The following MAGI2 variants were observed in gnomAD, a reference collection of about 807,000 sequenced individuals.
MAGI2 encodes membrane-associated guanylate kinase, WW and PDZ domain-containing protein 2.
Under a neutral mutation model 133.3 loss-of-function variants are expected in MAGI2, and 35 were observed. The ratio of observed to expected loss-of-function variants is 0.26; its 90% CI spans 0.20 to 0.35. The LOEUF (loss-of-function observed/expected upper bound fraction) is 0.35. Among genes scored for constraint, MAGI2 ranks in the 10% least tolerant of loss-of-function variants. The pLI, the probability that MAGI2 is intolerant of heterozygous loss-of-function variation, is 1.00. For synonymous variants in MAGI2, 729 were observed against 710.6 expected (o/e 1.03, Z -0.41); for missense variants, 1,636 against 1,863.4 (o/e 0.88, Z 2.25).
At chr7:79,161,354 C>T (rs1241589445) in intron 1 of MAGI2, among the ~76,000 whole-genome samples, 2 of 151,976 alleles carry the variant, frequency 1.3e-5, no homozygotes, top group Non-Finnish European at 2.9e-5. Context: ...GTGCATGGCC[C>T]TTTGTGCTGA....
intron 12 of MAGI2, among the ~76,000 whole-genome samples, chr7:78,186,527 G>A (rs1197515168): frequency 1.3e-5 from 2 of 152,150 alleles, no homozygotes; most frequent in African/African-American, 4.8e-5. Flanking sequence ...ACTGCTAAAT[G>A]TGAAGAAGAA....
chr7:78,086,602 T>C (rs1431470442), intron 20 of MAGI2, among the ~76,000 whole-genome samples: 1 of 151,386 alleles, frequency 6.6e-6, no homozygotes, highest in African/African-American at 2.4e-5. Context: ...CCTAGCTCTA[T>C]GCATGCTCTC....
intron 1 of MAGI2, among the ~76,000 whole-genome samples, chr7:79,061,642 T>A (rs1813750562): frequency 6.6e-6 from 1 of 152,008 alleles, no homozygotes; most frequent in Non-Finnish European, 1.5e-5. Context: ...GGACCAAGAT[T>A]AGGGGTGGCA....
intron 10 of MAGI2, among the ~76,000 whole-genome samples, chr7:78,223,877 A>G (rs1387979169): frequency 2.0e-5 from 3 of 152,160 alleles, no homozygotes. Flanking sequence ...ATTATTGTCT[A>G]TTTTTATTAA....
At chr7:79,099,163 C>A (rs994187333) in intron 1 of MAGI2, among the ~76,000 whole-genome samples, 1 of 151,848 alleles carries the variant, frequency 6.6e-6, no homozygotes, top group African/African-American at 2.4e-5. Flanking sequence ...AAAATTAGTG[C>A]TATTTTATGG....
intron 1 of MAGI2, among the ~76,000 whole-genome samples, chr7:79,018,861 C>G (rs1260059160): frequency 6.6e-6 from 1 of 152,130 alleles, no homozygotes; most frequent in East Asian, 1.9e-4. Context: ...TATATACACA[C>G]AGAGCACAGA....
At chr7:78,920,100 C>T (rs1456644726) in intron 2 of MAGI2, among the ~76,000 whole-genome samples, 3 of 152,034 alleles carry the variant, frequency 2.0e-5, no homozygotes, top group Admixed American at 6.6e-5. Flanking sequence ...TTTACTAAGC[C>T]TCTATGAAGA....
intron 3 of MAGI2, among the ~76,000 whole-genome samples, chr7:78,524,318 C>A (rs1401638249): frequency 6.6e-6 from 1 of 152,110 alleles, no homozygotes; most frequent in Non-Finnish European, 1.5e-5. Flanking sequence ...CTCCATTTGC[C>A]TTCTCACTGG....
intron 2 of MAGI2, among the ~76,000 whole-genome samples, chr7:78,749,948 T>C (rs1475444798): frequency 6.6e-6 from 1 of 152,188 alleles, no homozygotes; most frequent in Non-Finnish European, 1.5e-5. Context: ...GCTTGTTATA[T>C]AGGTATACAC....
Position 79,340,179 on chromosome 7 carries a change from T to C in MAGI2, c.301+112841A>G, listed in dbSNP as rs954749609. On this transcript the variant is annotated intron_variant, in intron 1 of 21. Coordinates refer to ENST00000354212, the MANE Select transcript of MAGI2 (RefSeq NM_012301.4). ...ATGAATATATAGCTTCTGCCTTGTC[T>C]GGTTTATGTACCTATCATTCTTCCC... Among the ~76,000 whole-genome samples the C allele has an allele frequency of 2.0e-5, 3 of 152,148 alleles. No homozygotes were observed. In the South Asian group the frequency reaches 6.2e-4, roughly 32 times the overall value.
intron 1 of MAGI2, among the ~76,000 whole-genome samples, chr7:79,020,376 C>T (rs1809186122): frequency 6.6e-6 from 1 of 152,108 alleles, no homozygotes; most frequent in African/African-American, 2.4e-5. Flanking sequence ...GGAAGCAGAG[C>T]ATAAAATTTT....
At chr7:78,714,418 C>G (rs1819507619) in intron 2 of MAGI2, among the ~76,000 whole-genome samples, 1 of 152,184 alleles carries the variant, frequency 6.6e-6, no homozygotes, top group Admixed American at 6.5e-5. Flanking sequence ...GCCCAGACAG[C>G]AAGAAAATGG....
At chr7:78,934,681 G>A (rs1046643370) in intron 2 of MAGI2, among the ~76,000 whole-genome samples, 2 of 151,996 alleles carry the variant, frequency 1.3e-5, no homozygotes, top group African/African-American at 4.8e-5. Flanking sequence ...AATGAATTTT[G>A]TGTTTAGATT....
intron 9 of MAGI2, among the ~76,000 whole-genome samples, chr7:78,320,647 C>A (rs1787901783): frequency 6.6e-6 from 1 of 152,100 alleles, no homozygotes; most frequent in African/African-American, 2.4e-5. Context: ...TTATTTATGA[C>A]AAACACACAG....
chr7:78,720,501 T>A (rs1358900292), intron 2 of MAGI2, among the ~76,000 whole-genome samples: 1 of 151,980 alleles, frequency 6.6e-6, no homozygotes, highest in Non-Finnish European at 1.5e-5. Flanking sequence ...CCATTAGTTG[T>A]ATAATTTATT....
intron 21 of MAGI2, among the ~76,000 whole-genome samples, chr7:78,055,505 T>C (rs3779324): frequency 0.77 from 116,399 of 151,860 alleles, 44,810 homozygotes; most frequent in East Asian, 0.92. Flanking sequence ...TCTTCCTCCC[T>C]ACTGAACCTG....
chr7:78,571,667 G>T (rs1801512131), intron 3 of MAGI2, among the ~76,000 whole-genome samples: 1 of 152,012 alleles, frequency 6.6e-6, no homozygotes, highest in Non-Finnish European at 1.5e-5. Flanking sequence ...GAAATGTTAG[G>T]TTTGATCATG....
At chr7:78,280,483 C>T (rs1795456296) in intron 9 of MAGI2, among the ~76,000 whole-genome samples, 1 of 152,084 alleles carries the variant, frequency 6.6e-6, no homozygotes, top group Admixed American at 6.6e-5. Context: ...CTGGTTATCC[C>T]ACTGCAGCTG....
chr7:78,066,480 A>G (rs978387169), intron 21 of MAGI2, among the ~76,000 whole-genome samples: 1 of 151,348 alleles, frequency 6.6e-6, no homozygotes, highest in Non-Finnish European at 1.5e-5. Context: ...AAAAAAATTC[A>G]TAGTTGACTT....
Sources: gnomAD v4.1 joint callset for allele counts (sites outside exome capture counted in the v4.1 genomes callset) on GRCh38, gnomAD v4.1.1 for gene constraint, MANE v1.5 for transcripts, NCBI Gene and HGNC (gene_info 2026-07-23, HGNC 2026-07-21) for gene names.